Variants in RAB11FIP3 observed in about 807,000 individuals in gnomAD.
The protein encoded by RAB11FIP3 is RAB11 family interacting protein 3.
In RAB11FIP3, 17 loss-of-function variants were observed where a neutral mutation model predicts 77.8. That is an observed-to-expected ratio of 0.22 (90% CI 0.15 to 0.33). RAB11FIP3 has a LOEUF of 0.33. Ranked by LOEUF, RAB11FIP3 falls within the 10% of genes least tolerant of loss-of-function variation. RAB11FIP3 has a pLI of 1.00. For synonymous variants in RAB11FIP3, 437 were observed against 448.2 expected, an observed-to-expected ratio of 0.98 and a Z score of 0.31; for missense variants, 1,005 against 1,011.2, an observed-to-expected ratio of 0.99 and a Z score of 0.08.
At chr16:442,008 T>G (rs985467984) in intron 1 of RAB11FIP3, among the ~76,000 whole-genome samples, 28 of 151,936 alleles carry the variant, frequency 1.8e-4, no homozygotes, top group African/African-American at 6.8e-4. Flanking sequence ...CTGGCTAATT[T>G]TTTGTATTTT....
At chr16:430,198 C>T (rs2055014584) in intron 1 of RAB11FIP3, among the ~76,000 whole-genome samples, 1 of 152,114 alleles carries the variant, frequency 6.6e-6, no homozygotes, top group Non-Finnish European at 1.5e-5. Context: ...GACATGACCC[C>T]TTCATACTGA....
At chr16:519,717 C>T (rs765305475) in intron 10 of RAB11FIP3, 37 bp from the exon 11 acceptor site, 14 of 1,604,014 alleles carry the variant, frequency 8.7e-6, no homozygotes, top group South Asian at 6.7e-5. Flanking sequence ...CAGGTAGGTG[C>T]GTGACCCGCA....
chr16:448,253 GTTGCAGTGAGTCGAGA>G (rs1286541992), intron 1 of RAB11FIP3, among the ~76,000 whole-genome samples: 1 of 150,764 alleles, frequency 6.6e-6, no homozygotes, highest in Non-Finnish European at 1.5e-5. Flanking sequence ...TGAGGCAGAG[GTTGCAGTGAGTCGAGA>G]TTGCGCCATT....
chr16:461,394 G>A lies in RAB11FIP3; in HGVS notation c.715-10G>A, dbSNP rs749371247. The A allele has an allele frequency of 4.3e-6, 7 of 1,611,468 alleles. No homozygotes were observed. Among genetic ancestry groups the A allele is most frequent in the Non-Finnish European group, 5.1e-6 (6 of 1,178,304 alleles). On this transcript the variant is annotated splice_polypyrimidine_tract_variant and intron_variant, in intron 1 of 13. Transcript: ENST00000262305. This position sits in a 1 kb window ranked among gnomAD's most constrained non-coding sequence, Gnocchi z 4.5. ...GCTTAGGGTAACCTAGTCTCATTTG[G>A]CAATTACAGGTGAAGGACTTAACTA... is the stretch of plus-strand genomic sequence containing the variant.
chr16:452,170 A>G (rs1442501123), intron 1 of RAB11FIP3, among the ~76,000 whole-genome samples: 1 of 151,524 alleles, frequency 6.6e-6, no homozygotes, highest in Admixed American at 6.6e-5. Flanking sequence ...AAGGAAACAA[A>G]CAAACAAACA....
At chr16:445,166 C>T (rs1215289581) in intron 1 of RAB11FIP3, among the ~76,000 whole-genome samples, 1 of 143,278 alleles carries the variant, frequency 7.0e-6, no homozygotes, top group African/African-American at 2.7e-5. Flanking sequence ...GGTGCGGTGG[C>T]TCACACATGT....
rs899927728 is a variant in RAB11FIP3, at chr16:520,026, C to T, written c.1861-96C>T. 63 of 1,524,524 alleles carry T rather than the reference C, an allele frequency of 4.1e-5. No individual in the cohort carries two copies. In the East Asian group the frequency reaches 4.7e-4, roughly 11 times the overall value. The allele number at this position is 1,524,524 out of a possible 1,614,324, so 94.4% of individuals were successfully genotyped here. On this transcript the variant is annotated intron_variant, in intron 11 of 13. Transcript: ENST00000262305. Reference sequence around the variant, plus strand: ...TGGTGTGTGTCGTCCTCCCGAGAGACGGCCAGATCAACCCTGAGGTTCTAC... The same window carrying T: ...TGGTGTGTGTCGTCCTCCCGAGAGATGGCCAGATCAACCCTGAGGTTCTAC...
intron 2 of RAB11FIP3, among the ~76,000 whole-genome samples, chr16:469,712 T>C (rs7184537): frequency 0.57 from 86,848 of 152,098 alleles, 24,936 homozygotes; most frequent in Middle Eastern, 0.65. Flanking sequence ...TTTGTAGACA[T>C]AGGATCTTTG....
intron 1 of RAB11FIP3, among the ~76,000 whole-genome samples, chr16:433,839 GA>G (rs2055082363): frequency 2.0e-5 from 3 of 148,842 alleles, no homozygotes; most frequent in African/African-American, 7.4e-5. Flanking sequence ...CTGGGTGACA[GA>G]GCGAGACTCT....
intron 9 of RAB11FIP3, among the ~76,000 whole-genome samples, chr16:517,161 G>A (rs904903685): frequency 9.9e-5 from 15 of 152,276 alleles, no homozygotes; most frequent in African/African-American, 3.6e-4. Flanking sequence ...AACACCAGAC[G>A]GACCCAACGT....
chr16:449,561 G>A (rs763290791), intron 1 of RAB11FIP3, among the ~76,000 whole-genome samples: 10 of 151,288 alleles, frequency 6.6e-5, no homozygotes, highest in East Asian at 1.9e-4. Context: ...TGGGAGGATC[G>A]CTTGAGCCTA....
At chr16:443,496 A>C (rs112512965) in intron 1 of RAB11FIP3, among the ~76,000 whole-genome samples, 104 of 152,294 alleles carry the variant, frequency 6.8e-4, no homozygotes, top group African/African-American at 1.5e-3. Context: ...ATTTTAACCT[A>C]GTTTAAGTCA....
chr16:431,253 G>C (rs56407312), intron 1 of RAB11FIP3, among the ~76,000 whole-genome samples: 58,890 of 152,028 alleles, frequency 0.39, 11,699 homozygotes, highest in South Asian at 0.53. Flanking sequence ...TATGTATTCT[G>C]GGTCTACATG....
chr16:503,749 G>A (rs761754422), intron 7 of RAB11FIP3, among the ~76,000 whole-genome samples: 1 of 151,984 alleles, frequency 6.6e-6, no homozygotes, highest in Non-Finnish European at 1.5e-5. Flanking sequence ...GCATGGTGGC[G>A]GGCAACTGTA....
At position 520,346 on chromosome 16, in the gene RAB11FIP3, G is replaced by A. The variant is rs1004154566; in HGVS notation, c.2016+69G>A. The stretch of plus-strand genomic sequence containing the variant: ...TTCCACAAGACTGGTTGGGAAGGGG[G>A]GGCCGTGGAGGGTCAGCATCTGAGC... On this transcript the variant is annotated intron_variant, in intron 12 of 13. Coordinates refer to ENST00000262305, the MANE Select transcript of RAB11FIP3 (RefSeq NM_014700.4). The A allele has an allele frequency of 1.3e-5, 21 of 1,568,868 alleles. No homozygotes were observed. The Admixed American group carries it at 2.0e-4, about 15-fold the overall frequency.
chr16:504,007 CCCCCTCACTACCTCCTGTA>C (rs2031681883), intron 7 of RAB11FIP3, among the ~76,000 whole-genome samples: 1 of 55,854 alleles, frequency 1.8e-5, no homozygotes, highest in Non-Finnish European at 4.2e-5. Flanking sequence ...ACCTCCTGTA[CCCCCTCACTACCTCCTGTA>C]CCCCCTCACT....
intron 1 of RAB11FIP3, among the ~76,000 whole-genome samples, chr16:452,090 G>T (rs1217804179): frequency 6.6e-6 from 1 of 152,036 alleles, no homozygotes; most frequent in South Asian, 2.1e-4. Context: ...GGCAGATGTT[G>T]CAGTGAGTTG....
At chr16:475,759 C>T (rs369982838) in intron 3 of RAB11FIP3, among the ~76,000 whole-genome samples, 6 of 152,138 alleles carry the variant, frequency 3.9e-5, no homozygotes, top group Middle Eastern at 3.2e-3. Context: ...GTGCAGTCAC[C>T]GAAGCCGCTG....
At position 448,005 on chromosome 16, in the gene RAB11FIP3, A is replaced by G. The variant is rs1023498816; in HGVS notation, c.715-13399A>G. On this transcript the variant is annotated intron_variant, in intron 1 of 13. Coordinates refer to ENST00000262305, the MANE Select transcript of RAB11FIP3 (RefSeq NM_014700.4). Reference sequence around the variant, plus strand: ...AAAAAGGAAAAAGAAAAAAAACTGTAAAGAAAATTTGACATATGAAAAAGC... The same window carrying G: ...AAAAAGGAAAAAGAAAAAAAACTGTGAAGAAAATTTGACATATGAAAAAGC... 3.9e-5 allele frequency among the ~76,000 whole-genome samples: 6 copies of G among 152,110 alleles called. No homozygotes were observed. In the East Asian group the frequency reaches 7.7e-4, roughly 20 times the overall value.
Sources: allele counts gnomAD v4.1 joint callset (sites outside exome capture counted in the v4.1 genomes callset), GRCh38; gene constraint gnomAD v4.1.1; non-coding constraint Gnocchi (gnomAD v3.1); transcripts MANE v1.5; gene names NCBI Gene and HGNC (gene_info 2026-07-23, HGNC 2026-07-21).